ZNF710: variants seen among roughly 807,000 people sequenced by gnomAD.
ZNF710 encodes the protein zinc finger protein 710.
A neutral mutation model predicts 50.6 loss-of-function variants in ZNF710; 13 were observed. The ratio of observed to expected loss-of-function variants is 0.26; its 90% CI spans 0.17 to 0.41. ZNF710 has a LOEUF of 0.41. Ranked by LOEUF, ZNF710 falls within the 10% of genes least tolerant of loss-of-function variation. ZNF710 has a pLI of 1.00. For synonymous variants in ZNF710, 383 were observed against 397.0 expected (o/e 0.96, Z 0.42); for missense variants, 721 against 936.6 (o/e 0.77, Z 3.01).
intron 1 of ZNF710, among the ~76,000 whole-genome samples, chr15:90,061,464 G>A (rs1457893767): frequency 3.3e-5 from 5 of 152,168 alleles, no homozygotes; most frequent in African/African-American, 4.8e-5. Context: ...GAGCCTCCGC[G>A]CCCGCCCTTC....
chr15:90,011,747 CT>C (rs752397419), intron 1 of ZNF710, among the ~76,000 whole-genome samples: 2 of 152,004 alleles, frequency 1.3e-5, no homozygotes, highest in Non-Finnish European at 2.9e-5. Flanking sequence ...CATCCTTATT[CT>C]TTTTTTTCTT....
chr15:90,008,451 T>TATAC lies in ZNF710; in HGVS notation c.-29+6839_-29+6840insACAT, dbSNP rs1387078607. ...GTATATATATATATACATATATATA[T>TATAC]ATGTATATATATATACATGAAGTAA... On this transcript the variant is annotated intron_variant, in intron 1 of 4. Coordinates refer to ENST00000268154, the MANE Select transcript of ZNF710 (RefSeq NM_198526.4). Among the ~76,000 whole-genome samples the TATAC allele has an allele frequency of 5.3e-4, 74 of 140,516 alleles. 2 individuals carry two copies. Among genetic ancestry groups the TATAC allele is most frequent in the African/African-American group, 2.1e-3 (73 of 34,220 alleles). 92.2% of individuals were successfully genotyped at this position (140,516 alleles called of 152,430 possible). A position where few individuals can be genotyped will look rare whatever the true frequency, so the allele number is the denominator to read the frequency against.
In ZNF710 at chr15:90,059,595, G is replaced by T. The variant is rs937842710; in HGVS notation, c.-28-7515G>T. Among the ~76,000 whole-genome samples the T allele has an allele frequency of 1.3e-5, 2 of 152,090 alleles. No homozygotes were observed. Among genetic ancestry groups the T allele is most frequent in the African/African-American group, 4.8e-5 (2 of 41,414 alleles). On this transcript the variant is annotated intron_variant, in intron 1 of 4. Coordinates refer to ENST00000268154, the MANE Select transcript of ZNF710 (RefSeq NM_198526.4). This position sits in a 1 kb window ranked among gnomAD's most constrained non-coding sequence, Gnocchi z 4.1. The stretch of plus-strand genomic sequence containing the variant: ...GAAAGGGGAAGCAAGGCAGAGACAG[G>T]ATCGCAGGAGGAAGAGACTCTCGAA...
intron 1 of ZNF710, among the ~76,000 whole-genome samples, chr15:90,047,742 C>T (rs111253971): frequency 0.043 from 6,535 of 151,924 alleles, 463 homozygotes; most frequent in African/African-American, 0.15. Flanking sequence ...CACCACCGCA[C>T]CGGGCTGATT....
chr15:90,005,472 C>T (rs754020232), intron 1 of ZNF710, among the ~76,000 whole-genome samples: 18 of 151,832 alleles, frequency 1.2e-4, no homozygotes, highest in Admixed American at 4.6e-4. Context: ...TTTTTTGAGA[C>T]GGAGTCTCAC....
upstream of ZNF710, among the ~76,000 whole-genome samples, chr15:89,999,291 A>C (rs140620952): frequency 4.0e-4 from 61 of 152,322 alleles, no homozygotes; most frequent in African/African-American, 1.4e-3. Flanking sequence ...TGCAAAGCCA[A>C]AGGCCAAAGC....
intron 1 of ZNF710, among the ~76,000 whole-genome samples, chr15:90,024,214 C>G (rs1445166556): frequency 6.6e-6 from 1 of 152,240 alleles, no homozygotes; most frequent in Non-Finnish European, 1.5e-5. Context: ...CCCAGTATCT[C>G]TGCCCATCAC....
intron 1 of ZNF710, among the ~76,000 whole-genome samples, chr15:90,009,052 C>T (rs1898229287): frequency 6.6e-6 from 1 of 151,900 alleles, no homozygotes. Flanking sequence ...TGTCCACCCT[C>T]CGCATTTAAA....
intron 1 of ZNF710, among the ~76,000 whole-genome samples, chr15:90,010,914 G>T (rs1278539215): frequency 2.2e-5 from 3 of 136,746 alleles, no homozygotes; most frequent in African/African-American, 2.7e-5. Context: ...GTTTTTTATT[G>T]TTGTTGGTTT....
At chr15:90,072,499 C>T (rs1273573691) in intron 2 of ZNF710, among the ~76,000 whole-genome samples, 6 of 152,126 alleles carry the variant, frequency 3.9e-5, no homozygotes, top group African/African-American at 1.4e-4. Context: ...TCTACATAGA[C>T]CTAAGTGCCA....
At chr15:90,001,660 C>A (rs1175143957) in intron 1 of ZNF710, 46 bp downstream of exon 1, 2 of 143,608 alleles carry the variant, frequency 1.4e-5, no homozygotes, top group Non-Finnish European at 3.1e-5. Flanking sequence ...GCCCCAGCCC[C>A]GCAGCCCCGC....
At chr15:90,028,083 T>C (rs1213747306) in intron 1 of ZNF710, among the ~76,000 whole-genome samples, 1 of 152,220 alleles carries the variant, frequency 6.6e-6, no homozygotes, top group Non-Finnish European at 1.5e-5. Context: ...TTTTTAACTT[T>C]TTAAATTAGA....
intron 4 of ZNF710, chr15:90,074,587 G>A: frequency 1.6e-6 from 2 of 1,231,676 alleles, no homozygotes; most frequent in Non-Finnish European, 2.1e-6. Flanking sequence ...GATCCTCAAA[G>A]CGAGGTTGGC....
At chr15:90,022,858 G>T (rs1488539855) in intron 1 of ZNF710, among the ~76,000 whole-genome samples, 5 of 152,134 alleles carry the variant, frequency 3.3e-5, no homozygotes, top group Non-Finnish European at 5.9e-5. Context: ...TTTTTCCACT[G>T]GGGCATGTTC....
rs1405553804 is a variant in ZNF710 at position 90,034,427 on chromosome 15, CCTGTGT to C, written c.-28-32682_-28-32677del. Among the ~76,000 whole-genome samples the C allele has an allele frequency of 8.8e-6, 1 of 113,624 alleles. No homozygotes were observed. The highest frequency in any genetic ancestry group is 1.8e-5 in the Non-Finnish European group (1 of 55,824). The allele number at this position is 113,624 out of a possible 152,430, so 74.5% of individuals were successfully genotyped here. A position where few individuals can be genotyped will look rare whatever the true frequency, so the allele number is the denominator to read the frequency against. On this transcript the variant is annotated intron_variant, in intron 1 of 4. Transcript: ENST00000268154. This position sits in a 1 kb window ranked among gnomAD's most constrained non-coding sequence, Gnocchi z 4.0. Reference sequence around the variant, plus strand: ...CAGCTGTCCTTCCTGTTTCCAAATTCCTGTGTGTGTGTGTGTGTGTGTGTGTGTGTG... The same window carrying C: ...CAGCTGTCCTTCCTGTTTCCAAATTCGTGTGTGTGTGTGTGTGTGTGTGTG...
chr15:90,016,442 A>T (rs1333808286), intron 1 of ZNF710, among the ~76,000 whole-genome samples: 1 of 151,834 alleles, frequency 6.6e-6, no homozygotes, highest in Non-Finnish European at 1.5e-5. Context: ...TTGCTTTCTT[A>T]TATTTATTTT....
intron 1 of ZNF710, among the ~76,000 whole-genome samples, chr15:90,012,699 C>A (rs1898346170): frequency 1.3e-5 from 2 of 152,044 alleles, no homozygotes; most frequent in African/African-American, 2.4e-5. Context: ...TATCTCTAAT[C>A]CCTGTTTAGC....
Position 90,067,401 on chromosome 15 carries a change from G to GGCAGCCTGTGAGAAGC in ZNF710, c.265_280dup (p.His94ArgfsTer4). ...CGGAGGAGGAGGTGCTGGAGGTGGAGGCAGCCTGTGAGAAGCACACCCGGC... is the reference window on the plus strand; with the variant it reads ...CGGAGGAGGAGGTGCTGGAGGTGGAGGCAGCCTGTGAGAAGCGCAGCCTGTGAGAAGCACACCCGGC... On this transcript the variant is annotated frameshift_variant, in exon 2 of 5. Transcript: ENST00000268154. LOFTEE classifies it high-confidence loss of function. The surrounding 1 kb of genome is among the most constrained non-coding windows in gnomAD (Gnocchi z 8.1). 6.3e-7 allele frequency: 1 copy of GGCAGCCTGTGAGAAGC among 1,598,784 alleles called. No homozygotes were observed. The highest frequency in any genetic ancestry group is 8.5e-7 in the Non-Finnish European group (1 of 1,172,448).
chr15:90,045,941 C>G (rs1899447867), intron 1 of ZNF710, among the ~76,000 whole-genome samples: 1 of 152,122 alleles, frequency 6.6e-6, no homozygotes, highest in African/African-American at 2.4e-5. Flanking sequence ...GGCAGCGGGC[C>G]TGGAAGACCC....
Sources: gnomAD v4.1 joint callset for allele counts (sites outside exome capture counted in the v4.1 genomes callset) on GRCh38, gnomAD v4.1.1 for gene constraint, Gnocchi (gnomAD v3.1) non-coding constraint, MANE v1.5 for transcripts, NCBI Gene and HGNC (gene_info 2026-07-23, HGNC 2026-07-21) for gene names.